Variants in TMPRSS9 observed in about 807,000 individuals in gnomAD.
The protein encoded by TMPRSS9 is transmembrane serine protease 9, also known as transmembrane protease serine 9.
A neutral mutation model predicts 111.4 loss-of-function variants in TMPRSS9; 113 were observed. That is an observed-to-expected ratio of 1.01 (90% CI 0.87 to 1.19). The LOEUF (loss-of-function observed/expected upper bound fraction) is 1.19. Among genes scored for constraint, TMPRSS9 ranks in the 50% most tolerant of loss-of-function variants. TMPRSS9 has a pLI of 0.00. For missense variants in TMPRSS9, 1,803 were observed against 1,513.1 expected (o/e 1.19, Z -3.18); for synonymous variants, 805 against 659.1 (o/e 1.22, Z -3.39).
At chr19:2,408,674 C>G (rs751632107) in intron 8 of TMPRSS9, 44 bp downstream of exon 9, 12 of 1,581,660 alleles carry the variant, frequency 7.6e-6, no homozygotes, top group Non-Finnish European at 1.0e-5. Context: ...GGCAGGCAGG[C>G]GGGCAAATAA....
At position 2,368,801 on chromosome 19, in the gene TMPRSS9, TAA is replaced by T. The variant is rs869203147; in HGVS notation, c.-26+8443_-26+8444del. The stretch of plus-strand genomic sequence containing the variant: ...TTTTTTTTTTTTTTTTTTTTTTTTT[TAA>T]AGACAGAGTCTCACTCTGTCGCCCA... On this transcript the variant is annotated intron_variant, in intron 1 of 17. Transcript: ENST00000649857. Among the ~76,000 whole-genome samples, 6 of 127,306 alleles carry T rather than the reference TAA, an allele frequency of 4.7e-5. 1 individual carries two copies. The highest frequency in any genetic ancestry group is 1.1e-4 in the African/African-American group (3 of 27,438). 83.5% of individuals were successfully genotyped at this position (127,306 alleles called of 152,430 possible).
chr19:2,419,263 G>A (rs1175725806), intron 13 of TMPRSS9, among the ~76,000 whole-genome samples: 5 of 149,408 alleles, frequency 3.3e-5, no homozygotes, highest in African/African-American at 1.2e-4. Flanking sequence ...GAGTGCAGTG[G>A]TGCGATCTTG....
exon 8 of TMPRSS9, chr19:2,408,456 C>A (rs777851028): frequency 1.7e-5 from 27 of 1,613,946 alleles, no homozygotes; most frequent in Non-Finnish European, 2.3e-5. Context: ...GATCGTCAAG[C>A]ACCCCCTGTA....
chr19:2,406,841 C>T (rs1156816118), intron 7 of TMPRSS9, among the ~76,000 whole-genome samples: 1 of 150,916 alleles, frequency 6.6e-6, no homozygotes, highest in Non-Finnish European at 1.5e-5. Flanking sequence ...CACTCTGTCG[C>T]CCTGCTGGAG....
At chr19:2,378,023 C>T (rs1428173470) in intron 1 of TMPRSS9, among the ~76,000 whole-genome samples, 1 of 151,818 alleles carries the variant, frequency 6.6e-6, no homozygotes, top group Non-Finnish European at 1.5e-5. Context: ...TACTGGCATG[C>T]ACCACCATGA....
chr19:2,402,188 T>A (rs1251423039), intron 5 of TMPRSS9, among the ~76,000 whole-genome samples, 172 bp downstream of exon 6: 2 of 146,104 alleles, frequency 1.4e-5, no homozygotes, highest in African/African-American at 5.0e-5. Context: ...AGGCCAGGAG[T>A]TTGAGACCAG....
chr19:2,396,562 C>T, exon 2 of TMPRSS9: 3 of 1,609,952 alleles, frequency 1.9e-6, no homozygotes, highest in Non-Finnish European at 2.5e-6. Context: ...ACAGGGCTTC[C>T]ACGTGGACCA....
chr19:2,397,537 G>A (rs114353725), intron 2 of TMPRSS9, among the ~76,000 whole-genome samples: 42 of 152,078 alleles, frequency 2.8e-4, no homozygotes, highest in Admixed American at 2.7e-3. Flanking sequence ...AGGACACAGC[G>A]AATTATATTT....
chr19:2,410,441 C>A (rs371040341), intron 9 of TMPRSS9, 47 bp downstream of exon 10: 7 of 1,605,080 alleles, frequency 4.4e-6, no homozygotes, highest in African/African-American at 2.7e-5. Context: ...GAAATAGACA[C>A]GAGCATGTTC....
chr19:2,419,499 G>A (rs1216655329), intron 13 of TMPRSS9, among the ~76,000 whole-genome samples: 1 of 145,466 alleles, frequency 6.9e-6, no homozygotes, highest in Non-Finnish European at 1.5e-5. Context: ...ACTGTACCCA[G>A]CCTAGATTTC....
chr19:2,415,060 T>C (rs1267252196), intron 10 of TMPRSS9, among the ~76,000 whole-genome samples: 2 of 148,890 alleles, frequency 1.3e-5, no homozygotes, highest in African/African-American at 4.9e-5. Flanking sequence ...TTCTCCTGCC[T>C]CAGCCTCCTG....
chr19:2,385,168 C>A (rs1246255733), upstream of TMPRSS9, among the ~76,000 whole-genome samples: 3 of 108,410 alleles, frequency 2.8e-5, no homozygotes, highest in Non-Finnish European at 5.3e-5. Flanking sequence ...GAGGGCGGGG[C>A]TCGCGGGGGG....
At chr19:2,375,181 A>G (rs1970322410) in intron 1 of TMPRSS9, among the ~76,000 whole-genome samples, 1 of 152,224 alleles carries the variant, frequency 6.6e-6, no homozygotes, top group Non-Finnish European at 1.5e-5. Context: ...TAGGAGCCCC[A>G]CTGGGAAGAA....
intron 1 of TMPRSS9, among the ~76,000 whole-genome samples, chr19:2,379,180 TC>T (rs1328071187): frequency 0.052 from 6,404 of 123,148 alleles, 683 homozygotes; most frequent in African/African-American, 0.2. Context: ...AGCTTCTTTC[TC>T]TTTTTTTTTT....
At chr19:2,420,416 C>T (rs1019645003) in intron 13 of TMPRSS9, among the ~76,000 whole-genome samples, 13 of 139,478 alleles carry the variant, frequency 9.3e-5, no homozygotes, top group African/African-American at 2.2e-4. Flanking sequence ...CACTCCAGCC[C>T]GGGCAACAGA....
At chr19:2,386,741 C>T (rs886076948), upstream of TMPRSS9, among the ~76,000 whole-genome samples, 8 of 152,200 alleles carry the variant, frequency 5.3e-5, no homozygotes, top group African/African-American at 1.9e-4. Context: ...CCTGTCATCC[C>T]AGCACTTTGG....
chr19:2,411,972 G>A (rs536846982), intron 9 of TMPRSS9, among the ~76,000 whole-genome samples: 95 of 152,228 alleles, frequency 6.2e-4, no homozygotes, highest in African/African-American at 2.1e-3. Flanking sequence ...TCTGAGGATC[G>A]TAATTTAATC....
intron 1 of TMPRSS9, among the ~76,000 whole-genome samples, chr19:2,363,009 T>C (rs1456036731): frequency 6.6e-6 from 1 of 152,130 alleles, no homozygotes; most frequent in Non-Finnish European, 1.5e-5. Context: ...ATCTGGGGCA[T>C]GGGGATCAGG....
At chr19:2,402,087 G>T in intron 5 of TMPRSS9, 71 bp downstream of exon 6, 1 of 1,496,438 alleles carries the variant, frequency 6.7e-7, no homozygotes, top group Non-Finnish European at 9.1e-7. Flanking sequence ...TCATTTCAAG[G>T]AAGTGAAGGA....
Sources: allele counts gnomAD v4.1 joint callset (sites outside exome capture counted in the v4.1 genomes callset), GRCh38; gene constraint gnomAD v4.1.1; transcripts MANE v1.5; gene names NCBI Gene and HGNC (gene_info 2026-07-23, HGNC 2026-07-21).